The following COL28A1 variants were observed in gnomAD, a reference collection of about 807,000 sequenced individuals.
COL28A1 encodes collagen alpha-1(XXVIII) chain.
Under a neutral mutation model 150.2 loss-of-function variants are expected in COL28A1, and 161 were observed. The observed-to-expected ratio is 1.07, with a 90% CI of 0.94 to 1.22. The LOEUF (loss-of-function observed/expected upper bound fraction) is 1.22. Ranked by LOEUF, COL28A1 falls within the 50% of genes most tolerant of loss-of-function variation. COL28A1 has a pLI of 0.00. For missense variants in COL28A1, 1,617 were observed against 1,388.3 expected (o/e 1.16, Z -2.62); for synonymous variants, 552 against 469.7 (o/e 1.18, Z -2.26).
chr7:7,341,250 G>A, the COL28A1 span, among the ~76,000 whole-genome samples: 1 of 152,114 alleles, frequency 6.6e-6, no homozygotes, highest in African/African-American at 2.4e-5. Flanking sequence ...CCAGAGATGT[G>A]TCAATTTTAT....
intron 27 of COL28A1, among the ~76,000 whole-genome samples, chr7:7,388,087 T>C (rs1173550602): frequency 6.6e-6 from 1 of 152,148 alleles, no homozygotes; most frequent in Non-Finnish European, 1.5e-5. Flanking sequence ...TAGGTATGCA[T>C]GTGTCACGGT....
chr7:7,380,598 G>A, intron 30 of COL28A1, 62 bp downstream of exon 30: 1 of 1,403,222 alleles, frequency 7.1e-7, no homozygotes, highest in Non-Finnish European at 1.0e-6. Context: ...TAAAGCTAAA[G>A]CATGAATGCA....
chr7:7,530,484 A>T (rs1211484115), intron 3 of COL28A1, among the ~76,000 whole-genome samples: 1 of 152,234 alleles, frequency 6.6e-6, no homozygotes, highest in Non-Finnish European at 1.5e-5. Context: ...CTCAGTACAT[A>T]AAGGACACCT....
chr7:7,367,815 T>A (rs77062540), intron 33 of COL28A1, among the ~76,000 whole-genome samples: 10 of 142,760 alleles, frequency 7.0e-5, no homozygotes, highest in South Asian at 2.3e-4. Flanking sequence ...TATTTTCCTT[T>A]AAAAAAAAAA....
rs114118248 is a variant in COL28A1 at position 7,384,266 on chromosome 7, G to A, written c.2137-2654C>T. ...TGGGTATGCAGTGTTGCACTACAATGTCTTGGGCCCACCTAAGGAGGCTCA... is the reference window on the plus strand; with the variant it reads ...TGGGTATGCAGTGTTGCACTACAATATCTTGGGCCCACCTAAGGAGGCTCA... On this transcript the variant is annotated intron_variant, in intron 27 of 34. Transcript: ENST00000399429. 1.0e-2 allele frequency among the ~76,000 whole-genome samples: 1,519 copies of A among 152,288 alleles called. 25 individuals are homozygous for A. The highest frequency in any genetic ancestry group is 0.034 in the African/African-American group (1,433 of 41,542).
chr7:7,378,088 T>G (rs1005007389), intron 30 of COL28A1, among the ~76,000 whole-genome samples: 2 of 151,934 alleles, frequency 1.3e-5, no homozygotes, highest in Non-Finnish European at 2.9e-5. Context: ...CACCTAGAGA[T>G]GTCCACGGGC....
At chr7:7,402,687 C>T (rs1319248994) in intron 27 of COL28A1, among the ~76,000 whole-genome samples, 2 of 152,132 alleles carry the variant, frequency 1.3e-5, no homozygotes, top group East Asian at 1.9e-4. Flanking sequence ...TCCATAGGTC[C>T]TTATTTTCTC....
intron 33 of COL28A1, among the ~76,000 whole-genome samples, chr7:7,367,956 A>G (rs1175096322): frequency 6.6e-6 from 1 of 151,642 alleles, no homozygotes; most frequent in African/African-American, 2.4e-5. Flanking sequence ...TTCAATCACT[A>G]TATCCTGTTA....
intron 20 of COL28A1, 98 bp from the exon 21 acceptor site, chr7:7,440,959 C>G: frequency 1.5e-6 from 1 of 659,860 alleles, no homozygotes; most frequent in Non-Finnish European, 2.8e-6. Context: ...TCGACTAATA[C>G]CAATTTTAAA....
chr7:7,497,094 AAAGGAAGGAAGGAAGG>A (rs141012538), intron 11 of COL28A1, among the ~76,000 whole-genome samples: 39 of 123,858 alleles, frequency 3.1e-4, no homozygotes, highest in Non-Finnish European at 4.1e-4. Context: ...AGGAAGGAAG[AAAGGAAGGAAGGAAGG>A]AAGGAAGGAA....
At position 7,373,569 on chromosome 7, in the gene COL28A1, GA is replaced by G; in HGVS notation, c.2360-24del. 2 of 1,577,690 alleles carry G rather than the reference GA, an allele frequency of 1.3e-6. No individual in the cohort carries two copies. The highest frequency in any genetic ancestry group is 1.7e-6 in the Non-Finnish European group (2 of 1,160,094). ...AACCTAAAAGATGAATGTTGAGAGA[GA>G]AAAATTGTGGGAATGATTGACATCA... On this transcript the variant is annotated intron_variant, in intron 31 of 34. Transcript: ENST00000399429. The surrounding 1 kb of genome is among the most constrained non-coding windows in gnomAD (Gnocchi z 4.1).
At chr7:7,541,604 A>T in the COL28A1 span, among the ~76,000 whole-genome samples, 5 of 152,192 alleles carry the variant, frequency 3.3e-5, no homozygotes, top group African/African-American at 1.2e-4. Context: ...ACCTTGTGGG[A>T]CTTTGTAGAA....
chr7:7,496,393 T>C (rs1166744331), intron 11 of COL28A1, among the ~76,000 whole-genome samples: 1 of 152,228 alleles, frequency 6.6e-6, no homozygotes, highest in Non-Finnish European at 1.5e-5. Context: ...ACTGGAAAGC[T>C]GTTCTGGGCT....
chr7:7,413,800 A>C (rs1783918856), intron 27 of COL28A1, among the ~76,000 whole-genome samples: 1 of 152,232 alleles, frequency 6.6e-6, no homozygotes, highest in Admixed American at 6.5e-5. Flanking sequence ...AGTCATATTC[A>C]AGCCTACAGG....
intron 11 of COL28A1, among the ~76,000 whole-genome samples, chr7:7,496,978 G>A (rs529913501): frequency 2.7e-5 from 4 of 146,116 alleles, no homozygotes; most frequent in Non-Finnish European, 6.1e-5. Flanking sequence ...AGTGATGACT[G>A]TATACAGAGA....
intron 30 of COL28A1, among the ~76,000 whole-genome samples, chr7:7,379,774 C>A (rs1322282536): frequency 6.6e-6 from 1 of 152,174 alleles, no homozygotes; most frequent in Non-Finnish European, 1.5e-5. Flanking sequence ...TACACTCTCC[C>A]CTGCTACTTT....
chr7:7,506,137 G>T (rs2115117961), intron 10 of COL28A1, 70 bp from the exon 11 acceptor site: 1 of 851,128 alleles, frequency 1.2e-6, no homozygotes, highest in Non-Finnish European at 2.1e-6. Flanking sequence ...CATTCTTTAG[G>T]GTCCCTAGAG....
chr7:7,487,618 T>G (rs1779699016), intron 13 of COL28A1, among the ~76,000 whole-genome samples: 1 of 152,200 alleles, frequency 6.6e-6, no homozygotes, highest in South Asian at 2.1e-4. Context: ...ATTTTCAGAA[T>G]ATTTCCAGCT....
At chr7:7,429,876 G>C (rs1465519846) in intron 25 of COL28A1, among the ~76,000 whole-genome samples, 1 of 152,092 alleles carries the variant, frequency 6.6e-6, no homozygotes, top group Non-Finnish European at 1.5e-5. Flanking sequence ...AGCCTTCCGC[G>C]TGGGCTCACT....
Sources: allele counts gnomAD v4.1 joint callset (sites outside exome capture counted in the v4.1 genomes callset), GRCh38; gene constraint gnomAD v4.1.1; non-coding constraint Gnocchi (gnomAD v3.1); transcripts MANE v1.5; gene names NCBI Gene and HGNC (gene_info 2026-07-23, HGNC 2026-07-21).